The following SYNE1 variants were observed in gnomAD, a reference collection of about 807,000 sequenced individuals.
SYNE1 encodes spectrin repeat containing nuclear envelope protein 1, also known as nesprin-1.
In SYNE1, 616 loss-of-function variants were observed where a neutral mutation model predicts 1,111.0. The ratio of observed to expected loss-of-function variants is 0.55; its 90% confidence interval spans 0.52 to 0.59. SYNE1 has a LOEUF of 0.59. Among genes scored for constraint, SYNE1 ranks in the 20% least tolerant of loss-of-function variants. The probability of loss-of-function intolerance (pLI) is 0.00; values close to 1 mark genes in which losing one functional copy is unlikely to be tolerated. For missense variants in SYNE1, 10,006 were observed against 10,417.0 expected, an observed-to-expected ratio of 0.96 and a Z score of 1.72; for synonymous variants, 3,855 against 3,825.8, an observed-to-expected ratio of 1.01 and a Z score of -0.28.
At chr6:152,359,017 T>C (rs1307362282) in intron 65 of SYNE1, among the ~76,000 whole-genome samples, 1 of 152,234 alleles carries the variant, frequency 6.6e-6, no homozygotes, top group Non-Finnish European at 1.5e-5. Flanking sequence ...ACTCTCATCA[T>C]CAGACATAAT....
In SYNE1 at chr6:152,401,146, T is replaced by A. The variant is rs1464607042; in HGVS notation, c.7021A>T (p.Lys2341Ter). The A allele has an allele frequency of 6.2e-7, 1 of 1,614,084 alleles. No homozygotes were observed. Among genetic ancestry groups the A allele is most frequent in the Admixed American group, 1.7e-5 (1 of 60,018 alleles). Reference protein sequence around the residue: ...AQNETCEALKKVKDIQKELQS... With the variant: ...AQNETCEALK ...GATAGTTTATTACCTACCTTGACTT[T>A]TTTCAATGCTTCACAAGTCTCATTT... The change falls in exon 47 of 146, where the codon AAA (lysine) becomes TAA (stop). Residue 2341 changes from lysine to a stop codon, truncating the protein, a stop_gained. Coordinates refer to ENST00000367255, the MANE Select transcript of SYNE1 (RefSeq NM_182961.4). LOFTEE classifies it high-confidence loss of function.
At chr6:152,520,569 A>G (rs767274619) in intron 5 of SYNE1, 27 bp from the exon 6 acceptor site, 1 of 1,609,360 alleles carries the variant, frequency 6.2e-7, no homozygotes, top group South Asian at 1.1e-5. Flanking sequence ...AAAAAAGGGA[A>G]TGAGACAAAA....
Position 152,239,660 on chromosome 6 carries a change from A to T in SYNE1, c.19940T>A (p.Leu6647His). 1 of 1,614,202 alleles carries T rather than the reference A, an allele frequency of 6.2e-7. No homozygotes were observed. The highest frequency in any genetic ancestry group is 8.5e-7 in the Non-Finnish European group (1 of 1,180,044). The change falls in exon 108 of 146, where the codon CTC (leucine) becomes CAC (histidine). Residue 6647 changes from leucine to histidine, a missense_variant. Physicochemically the swap from Leu to His is moderately conservative, Grantham distance 99. This residue lies in a region of SYNE1 where 2,182 missense variants were observed against 2,287.8 expected (regional missense o/e 0.95). Coordinates refer to ENST00000367255, the MANE Select transcript of SYNE1 (RefSeq NM_182961.4). ...LESHMILTET[L>H]FRKIISFAVQ... is the part of the protein sequence containing the mutation. ...TGCAAAGCTGATTATCTTTCTGAAG[A>T]GTGTTTCAGTCAAGATCATATGAGA...
chr6:152,253,853 T>TTG (rs2090137390), intron 104 of SYNE1, among the ~76,000 whole-genome samples: 2 of 118,842 alleles, frequency 1.7e-5, no homozygotes, highest in Admixed American at 8.5e-5. Context: ...TTTTTTTTTT[T>TTG]TTTTTTTGCA....
Position 152,255,068 on chromosome 6 carries a change from C to T in SYNE1, c.19282G>A (p.Glu6428Lys), listed in dbSNP as rs2090473850. Residue 6428 changes from glutamate to lysine, a missense_variant, in exon 104 of 146, where the codon GAA becomes AAA. Glu to Lys is a moderately conservative substitution (Grantham distance 56, BLOSUM62 1). Coordinates refer to ENST00000367255, the MANE Select transcript of SYNE1 (RefSeq NM_182961.4). ...TTCTTATCCATTTCTTCAGACATTTCCTTAATGTCTTTGGCAAGAATCTAG... is the reference window on the plus strand; with the variant it reads ...TTCTTATCCATTTCTTCAGACATTTTCTTAATGTCTTTGGCAAGAATCTAG... ...NQEILAKDIK[E>K]MSEEMDKNKN... 1 of 1,602,162 alleles carries T rather than the reference C, an allele frequency of 6.2e-7. No individual in the cohort carries two copies. The highest frequency in any genetic ancestry group is 8.5e-7 in the Non-Finnish European group (1 of 1,172,528).
At chr6:152,276,046 T>C (rs1370844020) in intron 98 of SYNE1, among the ~76,000 whole-genome samples, 5 of 147,582 alleles carry the variant, frequency 3.4e-5, no homozygotes, top group Non-Finnish European at 7.5e-5. Flanking sequence ...TTTTTTTTTT[T>C]TTTTTTGAGA....
In SYNE1 at chr6:152,358,546, A is replaced by G; in HGVS notation, c.10444-9T>C. ...GACTTGGTTACGGCTTCCTATAATT[A>G]GCATTTAAAATAATGAAGTTAGGAA... is the stretch of plus-strand genomic sequence containing the variant. On this transcript the variant is annotated splice_polypyrimidine_tract_variant and intron_variant, in intron 65 of 145. Transcript: ENST00000367255. 6.2e-7 allele frequency: 1 copy of G among 1,614,078 alleles called. No individual in the cohort carries two copies. The highest frequency in any genetic ancestry group is 1.1e-5 in the South Asian group (1 of 91,082).
chr6:152,151,528 G>A, intron 135 of SYNE1, 25 bp downstream of exon 135: 1 of 1,613,052 alleles, frequency 6.2e-7, no homozygotes, highest in East Asian at 2.2e-5. Context: ...TCTTCACTTT[G>A]GTAACTTGAA....
intron 3 of SYNE1, 52 bp from the exon 4 acceptor site, chr6:152,540,073 A>G (rs1353571052): frequency 5.1e-6 from 8 of 1,570,460 alleles, no homozygotes; most frequent in Admixed American, 1.7e-5. Context: ...ATGAAGCTGT[A>G]TAATGAGAAA....
rs746797215 is a variant in SYNE1 at position 152,189,232 on chromosome 6, AT to A, written c.23301+19del. On this transcript the variant is annotated intron_variant, in intron 128 of 145. Transcript: ENST00000367255. ...AATTTTCCATCATCAAGATAATTCC[AT>A]TTTTAGAACTTATCTTACCTGGTGG... The A allele has an allele frequency of 5.6e-6, 9 of 1,612,708 alleles. No homozygotes were observed. In the South Asian group the frequency reaches 7.7e-5, roughly 14 times the overall value.
chr6:152,587,077 A>G (rs1325152562), intron 3 of SYNE1, among the ~76,000 whole-genome samples: 1 of 152,176 alleles, frequency 6.6e-6, no homozygotes, highest in Non-Finnish European at 1.5e-5. Flanking sequence ...AGAAGTCCAT[A>G]TCCTAACTGA....
chr6:152,181,422 G>C (rs1356907646), intron 128 of SYNE1, among the ~76,000 whole-genome samples: 1 of 151,904 alleles, frequency 6.6e-6, no homozygotes, highest in Non-Finnish European at 1.5e-5. Context: ...AAACAACAAT[G>C]ACCACCACCA....
Position 152,176,495 on chromosome 6 carries a change from T to C in SYNE1, c.23526A>G (p.Arg7842=). The C allele has an allele frequency of 6.2e-7, 1 of 1,614,192 alleles. No homozygotes were observed. The highest frequency in any genetic ancestry group is 1.1e-5 in the South Asian group (1 of 91,078). ...TGCTTTCATGGCTGGCTTTAGCAAG[T>C]CGTTCTCCCATTTGTTGGAGCTGTA... ...NKIQLQQMGE[R]LAKASHESKA... is the part of the protein sequence containing the mutation. The change falls in exon 130 of 146, where the codon CGA becomes CGG. Residue 7842 remains arginine (R), a synonymous_variant. Coordinates refer to ENST00000367255, the MANE Select transcript of SYNE1 (RefSeq NM_182961.4).
At chr6:152,369,165 G>T in intron 60 of SYNE1, 38 bp from the exon 61 acceptor site, 1 of 1,608,322 alleles carries the variant, frequency 6.2e-7, no homozygotes, top group South Asian at 1.1e-5. Context: ...AGAGGCTGGG[G>T]AAAAGCACAT....
intron 13 of SYNE1, among the ~76,000 whole-genome samples, chr6:152,483,460 C>T (rs141881339): frequency 3.9e-5 from 6 of 152,138 alleles, no homozygotes; most frequent in African/African-American, 1.4e-4. Flanking sequence ...TTTGAAGAAA[C>T]TGAAAATACA....
intron 85 of SYNE1, 118 bp downstream of exon 85, chr6:152,318,745 T>C: frequency 8.4e-7 from 1 of 1,188,398 alleles, no homozygotes. Context: ...CCACCTGCTG[T>C]TACTATTTGG....
chr6:152,325,167 A>T lies in SYNE1; in HGVS notation c.15574T>A (p.Trp5192Arg), dbSNP rs969846360. Residue 5192 changes from tryptophan (W) to arginine (R), a missense_variant, in exon 81 of 146, where the codon TGG (tryptophan) becomes AGG (arginine). By Grantham distance (101) the Trp-to-Arg change is moderately radical. Coordinates refer to ENST00000367255, the MANE Select transcript of SYNE1 (RefSeq NM_182961.4). ...TGGGCCACAGCTCGAAGGCGTGTCC[A>T]GCGCTGCCAGACGGTGGTCATTGAC... ...SRSMTTVWQR[W>R]TRLRAVAQDQ... 11 of 1,614,096 alleles carry T rather than the reference A, an allele frequency of 6.8e-6. No individual in the cohort carries two copies. The highest frequency in any genetic ancestry group is 9.3e-6 in the Non-Finnish European group (11 of 1,180,062).
rs886044158 is a variant in SYNE1, at chr6:152,344,089, T to C, written c.12217A>G (p.Ile4073Val). The C allele has an allele frequency of 1.2e-6, 2 of 1,614,122 alleles. No homozygotes were observed. The highest frequency in any genetic ancestry group is 1.7e-6 in the Non-Finnish European group (2 of 1,180,054). The change falls in exon 74 of 146, where the codon ATT becomes GTT. Residue 4073 changes from isoleucine (I) to valine (V), a missense_variant. By Grantham distance (29) the Ile-to-Val change is conservative (BLOSUM62 3). Transcript: ENST00000367255. ...TTTCAGGAGTTTACTACCTGCTTAA[T>C]GGCTTCTGCCCTACTAAGAGGTGGT... ...PQPPLSRAEA[I>V]KQVKHFRALQ...
intron 104 of SYNE1, among the ~76,000 whole-genome samples, chr6:152,251,752 C>A (rs1175027427): frequency 6.6e-6 from 1 of 151,618 alleles, no homozygotes; most frequent in Admixed American, 6.6e-5. Flanking sequence ...GAGCGAGACT[C>A]CGTCTCAAAA....
Sources: allele counts gnomAD v4.1 joint callset (sites outside exome capture counted in the v4.1 genomes callset), GRCh38; gene constraint gnomAD v4.1.1; regional missense constraint gnomAD v4.1.1; transcripts MANE v1.5; gene names NCBI Gene and HGNC (gene_info 2026-07-23, HGNC 2026-07-21).